Variants in GALNT13 observed in about 807,000 individuals in gnomAD.
GALNT13 encodes the protein UDP-GalNAc:polypeptide N-acetylgalactosaminyltransferase 13.
In GALNT13, 28 loss-of-function variants were observed where a neutral mutation model predicts 64.2. The observed-to-expected ratio is 0.44, with a 90% CI of 0.32 to 0.60. The LOEUF is 0.60. Ranked by LOEUF, GALNT13 falls within the 20% of genes least tolerant of loss-of-function variation. The pLI is 0.05. For missense variants in GALNT13, 577 were observed against 669.8 expected (o/e 0.86, Z 1.53); for synonymous variants, 214 against 224.6 (o/e 0.95, Z 0.42).
At chr2:153,271,786 C>CA in the GALNT13 span, among the ~76,000 whole-genome samples, 1 of 151,924 alleles carries the variant, frequency 6.6e-6, no homozygotes, top group Non-Finnish European at 1.5e-5. Flanking sequence ...CATATGGAAC[C>CA]AAAAAAGAGT....
chr2:154,233,342 G>A (rs1342680559), intron 4 of GALNT13, among the ~76,000 whole-genome samples: 1 of 152,094 alleles, frequency 6.6e-6, no homozygotes, highest in African/African-American at 2.4e-5. Flanking sequence ...ACATAATAAC[G>A]AAGTTCTGGA....
the GALNT13 span, among the ~76,000 whole-genome samples, chr2:153,330,324 G>A: frequency 6.6e-6 from 1 of 152,148 alleles, no homozygotes; most frequent in Non-Finnish European, 1.5e-5. Flanking sequence ...AATGATGTTG[G>A]TAGTTTGATA....
At chr2:153,185,871 C>T in the GALNT13 span, among the ~76,000 whole-genome samples, 1 of 152,088 alleles carries the variant, frequency 6.6e-6, no homozygotes, top group Non-Finnish European at 1.5e-5. Flanking sequence ...GAGTGTTTTG[C>T]TTCCAATTAT....
At chr2:153,681,324 A>G in the GALNT13 span, among the ~76,000 whole-genome samples, 1 of 151,886 alleles carries the variant, frequency 6.6e-6, no homozygotes, top group Non-Finnish European at 1.5e-5. Context: ...TCATGATAAT[A>G]TTAATCTCAA....
intron 3 of GALNT13, among the ~76,000 whole-genome samples, chr2:154,086,046 G>T (rs1241030055): frequency 6.6e-6 from 1 of 151,300 alleles, no homozygotes; most frequent in African/African-American, 2.4e-5. Flanking sequence ...ACATTTCAAT[G>T]AGCTGTAATG....
the GALNT13 span, among the ~76,000 whole-genome samples, chr2:153,764,048 T>A: frequency 1.3e-5 from 2 of 152,198 alleles, no homozygotes; most frequent in South Asian, 4.1e-4. Context: ...GATAGTGATA[T>A]GGACAATGAA....
chr2:153,652,848 A>G, the GALNT13 span, among the ~76,000 whole-genome samples: 15 of 152,222 alleles, frequency 9.9e-5, no homozygotes, highest in Admixed American at 9.2e-4. Context: ...AAATTATCAA[A>G]GAATTTATAG....
chr2:154,202,428 G>T (rs552464636), intron 4 of GALNT13, among the ~76,000 whole-genome samples: 1 of 152,146 alleles, frequency 6.6e-6, no homozygotes, highest in East Asian at 1.9e-4. Context: ...AATGGAGGTA[G>T]CATTTTTTAA....
the GALNT13 span, among the ~76,000 whole-genome samples, chr2:153,628,794 G>A: frequency 6.6e-6 from 1 of 152,052 alleles, no homozygotes; most frequent in Non-Finnish European, 1.5e-5. Context: ...CAAGGATATT[G>A]GTCTAAAATT....
At chr2:153,803,463 C>T in the GALNT13 span, among the ~76,000 whole-genome samples, 9 of 151,962 alleles carry the variant, frequency 5.9e-5, no homozygotes, top group East Asian at 3.9e-4. Context: ...GAGGCCAAGG[C>T]GGGCGGATCA....
chr2:154,391,700 T>C (rs1389657161), intron 9 of GALNT13, among the ~76,000 whole-genome samples: 1 of 152,178 alleles, frequency 6.6e-6, no homozygotes, highest in Non-Finnish European at 1.5e-5. Flanking sequence ...CTAAACCTTT[T>C]CCAGGCATTA....
intron 4 of GALNT13, among the ~76,000 whole-genome samples, chr2:154,181,536 A>G (rs952370100): frequency 3.3e-5 from 5 of 152,114 alleles, no homozygotes; most frequent in Non-Finnish European, 7.4e-5. Context: ...AAATGAAACA[A>G]TGCTATTTTG....
At chr2:153,667,423 G>A in the GALNT13 span, among the ~76,000 whole-genome samples, 7 of 152,258 alleles carry the variant, frequency 4.6e-5, no homozygotes, top group Non-Finnish European at 1.0e-4. Flanking sequence ...CTAACAGAAG[G>A]TCTTTCATGA....
At chr2:154,081,497 A>G (rs960769425) in intron 3 of GALNT13, among the ~76,000 whole-genome samples, 2 of 151,642 alleles carry the variant, frequency 1.3e-5, no homozygotes, top group African/African-American at 4.8e-5. Context: ...AATCCTTGCT[A>G]TATGGGAGTG....
At chr2:154,233,377 G>T (rs1328068280) in intron 4 of GALNT13, among the ~76,000 whole-genome samples, 1 of 152,180 alleles carries the variant, frequency 6.6e-6, no homozygotes, top group African/African-American at 2.4e-5. Flanking sequence ...CAACCAGTTT[G>T]TCTAGTTAGG....
chr2:154,110,267 AGAAC>A (rs1337747066), intron 3 of GALNT13, among the ~76,000 whole-genome samples: 5,608 of 111,898 alleles, frequency 0.05, 439 homozygotes, highest in African/African-American at 0.13. Flanking sequence ...CTAGAGGGAC[AGAAC>A]TAATAGGATA....
the GALNT13 span, among the ~76,000 whole-genome samples, chr2:153,205,108 A>G: frequency 6.6e-6 from 1 of 152,068 alleles, no homozygotes; most frequent in Non-Finnish European, 1.5e-5. Flanking sequence ...AGATAGGCTT[A>G]AGCCTAAAAT....
chr2:153,536,100 G>A, the GALNT13 span, among the ~76,000 whole-genome samples: 4 of 152,142 alleles, frequency 2.6e-5, no homozygotes, highest in African/African-American at 4.8e-5. Flanking sequence ...AATAGAGTAC[G>A]CTGACATGTT....
At chr2:153,259,964 G>A in the GALNT13 span, among the ~76,000 whole-genome samples, 1 of 151,656 alleles carries the variant, frequency 6.6e-6, no homozygotes, top group South Asian at 2.1e-4. Context: ...TATGTTTTGT[G>A]TATCTGTTGT....
Sources: gnomAD v4.1 joint callset for allele counts (sites outside exome capture counted in the v4.1 genomes callset) on GRCh38, gnomAD v4.1.1 for gene constraint, MANE v1.5 for transcripts, NCBI Gene and HGNC (gene_info 2026-07-23, HGNC 2026-07-21) for gene names.